The following SNRPN variants were observed in gnomAD, a reference collection of about 807,000 sequenced individuals.
SNRPN encodes small nuclear ribonucleoprotein polypeptide N.
Under a neutral mutation model 25.2 loss-of-function variants are expected in SNRPN, and 7 were observed. The ratio of observed to expected loss-of-function variants is 0.28; its 90% CI spans 0.16 to 0.52. SNRPN has a LOEUF of 0.52. Ranked by LOEUF, SNRPN falls within the 20% of genes least tolerant of loss-of-function variation. SNRPN has a pLI of 0.96. For synonymous variants in SNRPN, 124 were observed against 110.6 expected (o/e 1.12, Z -0.76); for missense variants, 196 against 322.5 (o/e 0.61, Z 3.00).
Position 24,834,751 on chromosome 15 carries a change from C to CTCTATATA in SNRPN, c.-579+4847_-579+4848insCTATATAT. 5.3e-3 allele frequency among the ~76,000 whole-genome samples: 322 copies of CTCTATATA among 60,964 alleles called. 11 individuals carry two copies. Among genetic ancestry groups the CTCTATATA allele is most frequent in the Non-Finnish European group, 9.4e-3 (285 of 30,248 alleles). 40.0% of individuals were successfully genotyped at this position (60,964 alleles called of 152,430 possible). Reference sequence around the variant, plus strand: ...TCCCTCTCTCTCTCTCTCTCTCTCTCTATATATATATATATATATATATAT... The same window carrying CTCTATATA: ...TCCCTCTCTCTCTCTCTCTCTCTCTCTCTATATATATATATATATATATATATATATAT... On this transcript the variant is annotated intron_variant, in intron 2 of 12. Coordinates refer to the SNRPN transcript ENST00000400100.
At chr15:24,864,065 C>T (rs1270690603) in intron 1 of SNRPN, among the ~76,000 whole-genome samples, 6 of 144,040 alleles carry the variant, frequency 4.2e-5, no homozygotes, top group South Asian at 2.1e-4. Context: ...CTCTCTCTGT[C>T]GCCCAGGCTG....
chr15:24,955,151 G>A, intron 1 of SNRPN, 89 bp downstream of exon 1: 1 of 1,561,248 alleles, frequency 6.4e-7, no homozygotes, highest in Non-Finnish European at 8.8e-7. Flanking sequence ...AGGACTTGGA[G>A]TACTGAATAA....
Position 24,905,381 on chromosome 15 carries a change from C to T in SNRPN, c.-504-14630C>T, listed in dbSNP as rs145865512. Among the ~76,000 whole-genome samples the T allele has an allele frequency of 2.1e-3, 317 of 150,334 alleles. 2 individuals are homozygous for T. The highest frequency in any genetic ancestry group is 7.5e-3 in the African/African-American group (305 of 40,932). On this transcript the variant is annotated intron_variant, in intron 2 of 11. Coordinates refer to the SNRPN transcript ENST00000400097. ...AAAATTAACTGGGCATGGTGGCGTG[C>T]GCCTGTAGTCTTAGCAGCTCAGGAG...
At chr15:24,918,736 A>G (rs1396973909) in intron 2 of SNRPN, among the ~76,000 whole-genome samples, 1 of 93,586 alleles carries the variant, frequency 1.1e-5, no homozygotes, top group African/African-American at 4.2e-5. Flanking sequence ...ATATGTGTGC[A>G]TATATATAAC....
intron 2 of SNRPN, among the ~76,000 whole-genome samples, chr15:24,962,692 A>C (rs1419959384): frequency 6.6e-6 from 1 of 152,218 alleles, no homozygotes; most frequent in Non-Finnish European, 1.5e-5. Flanking sequence ...TATAGGATGT[A>C]TACACAGACA....
chr15:24,931,007 A>C (rs1358555995), intron 3 of SNRPN, among the ~76,000 whole-genome samples: 1 of 152,010 alleles, frequency 6.6e-6, no homozygotes, highest in African/African-American at 2.4e-5. Context: ...CCAAGATCAC[A>C]CCACTGCACT....
At chr15:24,938,918 A>G (rs2061394526) in intron 3 of SNRPN, among the ~76,000 whole-genome samples, 1 of 152,180 alleles carries the variant, frequency 6.6e-6, no homozygotes, top group African/African-American at 2.4e-5. Flanking sequence ...CATATGAAAG[A>G]CATGCTTATA....
chr15:24,880,104 A>G (rs1398411677), intron 1 of SNRPN, among the ~76,000 whole-genome samples: 3 of 152,184 alleles, frequency 2.0e-5, no homozygotes, highest in Non-Finnish European at 2.9e-5. Context: ...GAAAAAAAGG[A>G]AAATGGTGAA....
At chr15:24,976,128 A>G (rs983333422) in intron 5 of SNRPN, among the ~76,000 whole-genome samples, 177 bp from the exon 6 acceptor site, 3 of 152,234 alleles carry the variant, frequency 2.0e-5, no homozygotes, top group African/African-American at 4.8e-5. Flanking sequence ...AAATAGCTTC[A>G]CTATTTACCC....
chr15:24,835,434 T>C (rs1277102949), intron 2 of SNRPN, among the ~76,000 whole-genome samples: 5 of 151,968 alleles, frequency 3.3e-5, no homozygotes, highest in Non-Finnish European at 7.4e-5. Context: ...ATTTTAGATG[T>C]TTTACTTACT....
At chr15:24,920,595 T>G (rs948248614) in intron 3 of SNRPN, 5 of 152,194 alleles carry the variant, frequency 3.3e-5, no homozygotes, top group African/African-American at 7.2e-5. Context: ...TACAGTAATG[T>G]GCCAAATCTG....
intron 2 of SNRPN, chr15:24,908,799 G>T: frequency 2.1e-6 from 1 of 468,326 alleles, no homozygotes; most frequent in South Asian, 3.8e-5. Flanking sequence ...ACTTTAACTA[G>T]GACCTAGGGT....
intron 3 of SNRPN, among the ~76,000 whole-genome samples, chr15:24,938,329 T>C (rs2061360699): frequency 6.6e-6 from 1 of 152,176 alleles, no homozygotes; most frequent in Non-Finnish European, 1.5e-5. Context: ...GGTTTCACCA[T>C]GTTGGCCAGG....
chr15:24,923,876 CGTGTATGTGTGTGT>C (rs1376034797), intron 3 of SNRPN, among the ~76,000 whole-genome samples: 6 of 107,022 alleles, frequency 5.6e-5, no homozygotes, highest in South Asian at 3.5e-4. Context: ...TTTTTAGTGC[CGTGTATGTGTGTGT>C]GTGTGTGTGT....
chr15:24,858,137 T>C (rs1273944030), intron 1 of SNRPN, among the ~76,000 whole-genome samples: 1 of 152,212 alleles, frequency 6.6e-6, no homozygotes, highest in Non-Finnish European at 1.5e-5. Context: ...TTTAGAGTCC[T>C]GCAGTCTCCA....
intron 2 of SNRPN, among the ~76,000 whole-genome samples, chr15:24,839,604 A>C (rs938450392): frequency 6.6e-6 from 1 of 152,110 alleles, no homozygotes; most frequent in Non-Finnish European, 1.5e-5. Flanking sequence ...CATGGTCATC[A>C]CAAATGCGTG....
At position 24,872,746 on chromosome 15, in the gene SNRPN, C is replaced by CG. The variant is rs1179746726; in HGVS notation, c.-578-13769dup. Among the ~76,000 whole-genome samples the CG allele has an allele frequency of 1.3e-4, 8 of 59,310 alleles. 2 individuals are homozygous for CG. Among genetic ancestry groups the CG allele is most frequent in the Non-Finnish European group, 2.2e-4 (7 of 32,274 alleles). The allele number at this position is 59,310 out of a possible 152,430, so 38.9% of individuals were successfully genotyped here. On this transcript the variant is annotated intron_variant, in intron 1 of 11. Coordinates refer to the SNRPN transcript ENST00000400097. ...GGGCAATAAGAGTGAAACTCCGTCT[C>CG]GAAAAAAAAAAAAAAAAAAAAAGCT...
At chr15:24,878,515 G>A (rs1286150953) in intron 1 of SNRPN, among the ~76,000 whole-genome samples, 1 of 152,186 alleles carries the variant, frequency 6.6e-6, no homozygotes, top group Non-Finnish European at 1.5e-5. Flanking sequence ...TATGGCGCCC[G>A]CCGGGAGTCT....
chr15:24,935,202 G>T (rs752865120), intron 3 of SNRPN, among the ~76,000 whole-genome samples: 1 of 151,924 alleles, frequency 6.6e-6, no homozygotes, highest in Non-Finnish European at 1.5e-5. Flanking sequence ...AACCCGGGAG[G>T]TTGAGGTTGC....
Sources: gnomAD v4.1 joint callset for allele counts (sites outside exome capture counted in the v4.1 genomes callset) on GRCh38, gnomAD v4.1.1 for gene constraint, MANE v1.5 for transcripts, NCBI Gene and HGNC (gene_info 2026-07-23, HGNC 2026-07-21) for gene names.